Variants in ATPAF2 observed in about 807,000 individuals in gnomAD.
ATPAF2 encodes the protein ATP synthase mitochondrial F1 complex assembly factor 2.
A neutral mutation model predicts 36.6 loss-of-function variants in ATPAF2; 30 were observed. The ratio of observed to expected loss-of-function variants is 0.82; its 90% CI spans 0.61 to 1.11. ATPAF2 has a LOEUF of 1.11. Ranked by LOEUF, ATPAF2 falls within the 50% of genes most tolerant of loss-of-function variation. The probability of loss-of-function intolerance (pLI) is 0.00; values close to 1 mark genes in which losing one functional copy is unlikely to be tolerated. For synonymous variants in ATPAF2, 140 were observed against 152.6 expected, an observed-to-expected ratio of 0.92 and a Z score of 0.61; for missense variants, 321 against 372.3, an observed-to-expected ratio of 0.86 and a Z score of 1.13.
intron 5 of ATPAF2, among the ~76,000 whole-genome samples, 163 bp from the exon 6 acceptor site, chr17:18,022,020 C>T (rs1037922143): frequency 2.0e-5 from 3 of 152,150 alleles, no homozygotes; most frequent in East Asian, 1.9e-4. Flanking sequence ...AGTGGCCTCC[C>T]GACCTGATTT....
intron 3 of ATPAF2, among the ~76,000 whole-genome samples, chr17:18,027,381 G>A (rs1886269391): frequency 1.3e-5 from 2 of 152,122 alleles, no homozygotes; most frequent in South Asian, 2.1e-4. Context: ...AGGCCCACCT[G>A]GGTTTGCAAA....
At chr17:18,023,891 GCCA>G (rs1217878274) in intron 5 of ATPAF2, among the ~76,000 whole-genome samples, 1 of 152,128 alleles carries the variant, frequency 6.6e-6, no homozygotes, top group African/African-American at 2.4e-5. Context: ...AATTTATTTT[GCCA>G]CCACATCAAT....
chr17:18,035,236 C>CAAAA (rs777598440), intron 1 of ATPAF2, among the ~76,000 whole-genome samples: 9 of 147,526 alleles, frequency 6.1e-5, no homozygotes, highest in African/African-American at 2.2e-4. Context: ...CTCTTAAAAA[C>CAAAA]AAAAAAAAAC....
chr17:18,027,662 C>G (rs2044567401), intron 3 of ATPAF2, among the ~76,000 whole-genome samples: 1 of 152,164 alleles, frequency 6.6e-6, no homozygotes, highest in Non-Finnish European at 1.5e-5. Context: ...CCCAGGCAGC[C>G]TTGGTGCCTA....
chr17:18,021,611 A>G lies in ATPAF2; in HGVS notation c.616+134T>C, dbSNP rs1194509815. On this transcript the variant is annotated intron_variant, in intron 6 of 7. Transcript: ENST00000474627. ...TGATTGGCTAGCATCAGAGCCACCC[A>G]GCCTCCACACTCAGCTAGCCCAGAA... 7.2e-6 allele frequency: 6 copies of G among 832,216 alleles called. No individual in the cohort carries two copies. In the African/African-American group the frequency reaches 8.3e-5, roughly 12 times the overall value. The allele number at this position is 832,216 out of a possible 1,614,324, so 51.6% of individuals were successfully genotyped here.
chr17:18,026,566 A>T, intron 3 of ATPAF2, 150 bp from the exon 4 acceptor site: 1 of 701,090 alleles, frequency 1.4e-6, no homozygotes. Context: ...GCAGCAGCAC[A>T]GCTACTGAGA....
chr17:18,019,147 CCA>C lies in ATPAF2; in HGVS notation c.733-463_733-462del, dbSNP rs138932269. Among the ~76,000 whole-genome samples the C allele has an allele frequency of 2.6e-3, 348 of 135,652 alleles. 1 individual carries two copies. The highest frequency in any genetic ancestry group is 0.01 in the South Asian group (43 of 4,112). 89.0% of individuals were successfully genotyped at this position (135,652 alleles called of 152,430 possible). On this transcript the variant is annotated intron_variant, in intron 7 of 7. Transcript: ENST00000474627. ...AGAGCAAGACCCTGTCTCAAAAACA[CCA>C]CACACACACACACACACACACACAC...
chr17:18,017,394 G>A (rs1014282514), downstream of ATPAF2, among the ~76,000 whole-genome samples: 1 of 152,178 alleles, frequency 6.6e-6, no homozygotes, highest in African/African-American at 2.4e-5. Flanking sequence ...AAGGAGGCCG[G>A]TGTGGGCTAA....
chr17:18,026,500 A>G (rs1039436523), intron 3 of ATPAF2, 84 bp from the exon 4 acceptor site: 34 of 998,004 alleles, frequency 3.4e-5, no homozygotes, highest in Non-Finnish European at 4.7e-5. Flanking sequence ...CACATCTGAC[A>G]CATAGCAGAC....
rs1353610248 is a variant in ATPAF2, at chr17:18,028,217, C to T, written c.324+15G>A. ...GTGGGTCTCAGGGTCCAGGTTCACACTGTGAACTTGTTACCAGGTGCATGG... is the reference window on the plus strand; with the variant it reads ...GTGGGTCTCAGGGTCCAGGTTCACATTGTGAACTTGTTACCAGGTGCATGG... On this transcript the variant is annotated intron_variant, in intron 3 of 7. Transcript: ENST00000474627. 1 of 1,614,166 alleles carries T rather than the reference C, an allele frequency of 6.2e-7. No homozygotes were observed. Among genetic ancestry groups the T allele is most frequent in the Non-Finnish European group, 8.5e-7 (1 of 1,180,026 alleles).
rs111266938 is a variant in ATPAF2 at position 18,028,182 on chromosome 17, G to A, written c.324+50C>T. ...GAATTTGGTAAAGGGTCTACCCTAC[G>A]AAGCCCTGGGTGGGTCTCAGGGTCC... On this transcript the variant is annotated intron_variant, in intron 3 of 7. Coordinates refer to ENST00000474627, the MANE Select transcript of ATPAF2 (RefSeq NM_145691.4). 1.8e-3 allele frequency: 2,963 copies of A among 1,612,612 alleles called. 48 individuals are homozygous for A. The African/African-American group carries it at 0.035, about 19-fold the overall frequency.
chr17:18,015,722 T>G, downstream of ATPAF2: 1 of 217,344 alleles, frequency 4.6e-6, no homozygotes, highest in Non-Finnish European at 9.4e-6. Context: ...GACTTGAGAG[T>G]AATTGAGAGA....
Position 18,028,315 on chromosome 17 carries a change from C to T in ATPAF2, c.241G>A (p.Val81Ile), listed in dbSNP as rs371136012. The change falls in exon 3 of 8, where the codon GTC becomes ATC. Residue 81 changes from valine (V) to isoleucine (I), a missense_variant. This residue lies in a region of ATPAF2 where 53 missense variants were observed against 91.6 expected (regional missense o/e 0.58). Coordinates refer to ENST00000474627, the MANE Select transcript of ATPAF2 (RefSeq NM_145691.4). ...GCAATGGCCAGGGCCTCGCTGGGGA[C>T]GGTAAAGAGCTTGGCTTGGGGAGTT... ...LKTPQAKLFTVPSEALAIAVA... is the reference protein window; with the variant it reads ...LKTPQAKLFTIPSEALAIAVA... 238 of 1,614,124 alleles carry T rather than the reference C, an allele frequency of 1.5e-4. 2 individuals carry two copies. The South Asian group carries it at 2.3e-3, about 16-fold the overall frequency.
At chr17:18,015,269 C>CA (rs1348245546), downstream of ATPAF2, 1 of 152,140 alleles carries the variant, frequency 6.6e-6, no homozygotes, top group African/African-American at 2.4e-5. Flanking sequence ...CAGGAAAGAA[C>CA]AAAAAATGCA....
intron 7 of ATPAF2, 139 bp downstream of exon 7, chr17:18,020,984 C>T (rs2044461264): frequency 6.9e-7 from 1 of 1,457,142 alleles, no homozygotes; most frequent in Admixed American, 2.4e-5. Context: ...TTCTGCTGGT[C>T]CTTGATTTTG....
Position 18,021,810 on chromosome 17 carries a change from A to T in ATPAF2, c.551T>A (p.Ile184Asn). The change falls in exon 6 of 8, where the codon ATC becomes AAC. Residue 184 changes from isoleucine to asparagine, a missense_variant. Ile to Asn is a moderately radical substitution (Grantham distance 149, BLOSUM62 -3). This residue lies in a region of ATPAF2 where 199 missense variants were observed against 220.6 expected (regional missense o/e 0.90). Coordinates refer to ENST00000474627, the MANE Select transcript of ATPAF2 (RefSeq NM_145691.4). ...SSSTSIMGPS[I>N]PAKTREVLVS... is the part of the protein sequence containing the mutation. ...GAGCACCTCCCGAGTTTTGGCAGGG[A>T]TGCTGGGTCCCATTATGCTGGTGGA... The T allele has an allele frequency of 6.2e-7, 1 of 1,614,150 alleles. No individual in the cohort carries two copies. The highest frequency in any genetic ancestry group is 1.1e-5 in the South Asian group (1 of 91,086).
In ATPAF2 at chr17:18,029,590, TTATTA is replaced by T. The variant is rs545787709; in HGVS notation, c.134-936_134-932del. Among the ~76,000 whole-genome samples, 361 of 151,998 alleles carry T rather than the reference TTATTA, an allele frequency of 2.4e-3. 1 individual carries two copies. The highest frequency in any genetic ancestry group is 3.6e-3 in the Non-Finnish European group (246 of 67,978). On this transcript the variant is annotated intron_variant, in intron 1 of 7. Transcript: ENST00000474627. ...AAATCATTTGCTTTATTTATTTATT[TTATTA>T]TTATTTTTTTTTTGAAATGGCGTCT...
chr17:18,036,290 C>A (rs1324886346), intron 1 of ATPAF2, among the ~76,000 whole-genome samples: 3 of 151,850 alleles, frequency 2.0e-5, no homozygotes, highest in Admixed American at 1.3e-4. Context: ...ACGTGGGGGT[C>A]GGGGGCCGGG....
At chr17:18,029,877 G>GC (rs2044601782) in intron 1 of ATPAF2, among the ~76,000 whole-genome samples, 1 of 69,840 alleles carries the variant, frequency 1.4e-5, no homozygotes, top group Non-Finnish European at 2.4e-5. Context: ...TGCCTTTAAC[G>GC]CTAAAAAAAA....
Sources: allele counts gnomAD v4.1 joint callset (sites outside exome capture counted in the v4.1 genomes callset), GRCh38; gene constraint gnomAD v4.1.1; regional missense constraint gnomAD v4.1.1; transcripts MANE v1.5; gene names NCBI Gene and HGNC (gene_info 2026-07-23, HGNC 2026-07-21).